CYP2C19: variants seen among roughly 807,000 people sequenced by gnomAD.
CYP2C19 encodes cytochrome P450 family 2 subfamily C member 19.
A neutral mutation model predicts 40.9 loss-of-function variants in CYP2C19; 59 were observed. The ratio of observed to expected loss-of-function variants is 1.44; its 90% CI spans 1.17 to 1.79. CYP2C19 has a LOEUF of 1.79. Ranked by LOEUF, CYP2C19 falls within the 40% of genes most tolerant of loss-of-function variation. The probability of loss-of-function intolerance (pLI) is 0.00; values close to 1 mark genes in which losing one functional copy is unlikely to be tolerated. For synonymous variants in CYP2C19, 253 were observed against 208.7 expected (o/e 1.21, Z -1.83); for missense variants, 754 against 596.9 (o/e 1.26, Z -2.74).
intron 5 of CYP2C19, among the ~76,000 whole-genome samples, chr10:94,803,305 G>T (rs1388918221): frequency 6.6e-6 from 1 of 151,960 alleles, no homozygotes; most frequent in Non-Finnish European, 1.5e-5. Context: ...TGTTGGGTAG[G>T]GTCTTTGACT....
At chr10:94,849,299 C>G (rs1849616646) in intron 7 of CYP2C19, among the ~76,000 whole-genome samples, 1 of 151,932 alleles carries the variant, frequency 6.6e-6, no homozygotes, top group Non-Finnish European at 1.5e-5. Flanking sequence ...CTCAGTACTT[C>G]AAATGTGGTT....
At chr10:94,810,087 G>A (rs1223427560) in intron 5 of CYP2C19, among the ~76,000 whole-genome samples, 1 of 152,048 alleles carries the variant, frequency 6.6e-6, no homozygotes, top group Non-Finnish European at 1.5e-5. Flanking sequence ...TCACCATGTT[G>A]GCCAGGCTGG....
intron 5 of CYP2C19, among the ~76,000 whole-genome samples, chr10:94,801,440 G>A (rs1848764268): frequency 6.6e-6 from 1 of 152,180 alleles, no homozygotes. Flanking sequence ...TAAGTTGATT[G>A]CACTGTGGTT....
At chr10:94,823,524 A>G (rs1227902291) in intron 6 of CYP2C19, among the ~76,000 whole-genome samples, 4 of 152,186 alleles carry the variant, frequency 2.6e-5, no homozygotes, top group South Asian at 2.1e-4. Context: ...TTCTTTTGCC[A>G]TCTTAACAGA....
At chr10:94,848,895 T>C (rs1849611953) in intron 7 of CYP2C19, among the ~76,000 whole-genome samples, 1 of 152,216 alleles carries the variant, frequency 6.6e-6, no homozygotes, top group Admixed American at 6.5e-5. Flanking sequence ...TATTGGTGTA[T>C]AAGAATGCTT....
At chr10:94,839,557 A>G (rs987932900) in intron 6 of CYP2C19, among the ~76,000 whole-genome samples, 3 of 152,244 alleles carry the variant, frequency 2.0e-5, no homozygotes, top group African/African-American at 7.2e-5. Flanking sequence ...GCATTCGCAT[A>G]AACAACAGTT....
At chr10:94,826,605 C>T (rs1354945016) in intron 6 of CYP2C19, among the ~76,000 whole-genome samples, 1 of 152,172 alleles carries the variant, frequency 6.6e-6, no homozygotes, top group East Asian at 1.9e-4. Context: ...CATCTGTAAA[C>T]AGAGACAATT....
chr10:94,803,634 A>G (rs909057789), intron 5 of CYP2C19, among the ~76,000 whole-genome samples: 7 of 152,202 alleles, frequency 4.6e-5, no homozygotes, highest in Non-Finnish European at 8.8e-5. Context: ...TCCAGTGGGC[A>G]GACTTGAAGC....
At chr10:94,817,801 CA>C (rs1207341555) in intron 5 of CYP2C19, among the ~76,000 whole-genome samples, 1 of 151,916 alleles carries the variant, frequency 6.6e-6, no homozygotes, top group African/African-American at 2.4e-5. Flanking sequence ...ATCACGAGGT[CA>C]GGAGATCGAG....
At chr10:94,774,742 A>C in intron 1 of CYP2C19, 1 of 305,908 alleles carries the variant, frequency 3.3e-6, no homozygotes, top group Non-Finnish European at 6.1e-6. Context: ...GCTGTGGGAC[A>C]CTGAAAATGA....
chr10:94,775,739 A>C (rs567723139), intron 3 of CYP2C19, 200 bp downstream of exon 3: 123 of 789,280 alleles, frequency 1.6e-4, no homozygotes, highest in Non-Finnish European at 2.2e-4. Flanking sequence ...TTGTGCATAC[A>C]GTGTGGGTAT....
At position 94,775,544 on chromosome 10, in the gene CYP2C19, G is replaced by T; in HGVS notation, c.481+5G>T. ...AGGAGTTGAGAAAAACCAAGGGTGG[G>T]TGAACATACTCTCTATCACTGACCT... is the stretch of plus-strand genomic sequence containing the variant. On this transcript the variant is annotated splice_donor_5th_base_variant and intron_variant, in intron 3 of 8. Transcript: ENST00000371321. 3 of 1,613,926 alleles carry T rather than the reference G, an allele frequency of 1.9e-6. No individual in the cohort carries two copies. The highest frequency in any genetic ancestry group is 1.7e-5 in the Admixed American group (1 of 60,010).
chr10:94,814,358 G>A (rs1019926309), intron 5 of CYP2C19, among the ~76,000 whole-genome samples: 3 of 151,944 alleles, frequency 2.0e-5, no homozygotes, highest in East Asian at 1.9e-4. Context: ...CTTTGGTGGT[G>A]CCATATTTCT....
At chr10:94,770,645 C>T (rs563431299) in intron 1 of CYP2C19, among the ~76,000 whole-genome samples, 2 of 152,242 alleles carry the variant, frequency 1.3e-5, no homozygotes, top group Non-Finnish European at 1.5e-5. Context: ...ATCAATTGAC[C>T]TTCTAGTCAG....
At chr10:94,841,932 C>G (rs1849501546) in intron 6 of CYP2C19, among the ~76,000 whole-genome samples, 1 of 152,174 alleles carries the variant, frequency 6.6e-6, no homozygotes, top group East Asian at 1.9e-4. Context: ...TTCTTGATAA[C>G]AATCCATGTG....
At chr10:94,777,560 C>A (rs1235826401) in intron 3 of CYP2C19, among the ~76,000 whole-genome samples, 1 of 152,122 alleles carries the variant, frequency 6.6e-6, no homozygotes, top group Non-Finnish European at 1.5e-5. Context: ...AAAAAGATTC[C>A]CTATTTAATA....
At chr10:94,773,067 C>T (rs575634468) in intron 1 of CYP2C19, among the ~76,000 whole-genome samples, 2 of 152,322 alleles carry the variant, frequency 1.3e-5, no homozygotes, top group East Asian at 3.9e-4. Flanking sequence ...AGGCGTGAGC[C>T]ACCGCACCCG....
intron 2 of CYP2C19, 60 bp from the exon 3 acceptor site, chr10:94,775,330 T>C (rs1848392539): frequency 4.3e-6 from 7 of 1,612,442 alleles, no homozygotes; most frequent in South Asian, 1.1e-5. Flanking sequence ...GGCTGCCCAG[T>C]GTCAGCTTCC....
intron 7 of CYP2C19, among the ~76,000 whole-genome samples, chr10:94,843,391 C>G (rs1309070005): frequency 6.6e-6 from 1 of 152,132 alleles, no homozygotes; most frequent in Non-Finnish European, 1.5e-5. Flanking sequence ...CATCTTGACA[C>G]CTTGAGTCTT....
Sources: gnomAD v4.1 joint callset for allele counts (sites outside exome capture counted in the v4.1 genomes callset) on GRCh38, gnomAD v4.1.1 for gene constraint, MANE v1.5 for transcripts, NCBI Gene and HGNC (gene_info 2026-07-23, HGNC 2026-07-21) for gene names.